Variants in PPARGC1A observed in about 807,000 individuals in gnomAD.
The protein encoded by PPARGC1A is PPARG coactivator 1 alpha.
A neutral mutation model predicts 88.7 loss-of-function variants in PPARGC1A; 25 were observed. That is an observed-to-expected ratio of 0.28 (90% CI 0.21 to 0.39). The LOEUF (loss-of-function observed/expected upper bound fraction) is 0.39, where lower values mean the gene tolerates loss of function less well. Ranked by LOEUF, PPARGC1A falls within the 10% of genes least tolerant of loss-of-function variation. The pLI, the probability that PPARGC1A is intolerant of heterozygous loss-of-function variation, is 1.00. For missense variants in PPARGC1A, 880 were observed against 968.7 expected, an observed-to-expected ratio of 0.91 and a Z score of 1.22; for synonymous variants, 363 against 355.6, an observed-to-expected ratio of 1.02 and a Z score of -0.24.
the PPARGC1A span, among the ~76,000 whole-genome samples, chr4:24,287,665 C>CACACACACAA: frequency 6.6e-6 from 1 of 151,224 alleles, no homozygotes; most frequent in Non-Finnish European, 1.5e-5. Flanking sequence ...CACACACACA[C>CACACACACAA]AACTGCACTC....
At chr4:23,875,238 T>C (rs1284357890) in intron 2 of PPARGC1A, among the ~76,000 whole-genome samples, 2 of 152,210 alleles carry the variant, frequency 1.3e-5, no homozygotes, top group African/African-American at 4.8e-5. Context: ...ATTTGAAATA[T>C]AGAATTAGTT....
the PPARGC1A span, among the ~76,000 whole-genome samples, chr4:24,280,421 A>C: frequency 6.6e-6 from 1 of 152,194 alleles, no homozygotes; most frequent in Non-Finnish European, 1.5e-5. Context: ...TCAGAGCTGC[A>C]TCCTGAAAGC....
chr4:24,235,278 A>G, the PPARGC1A span, among the ~76,000 whole-genome samples: 1 of 152,206 alleles, frequency 6.6e-6, no homozygotes, highest in South Asian at 2.1e-4. Context: ...TGGGCCCTTA[A>G]TATAGTTTAT....
the PPARGC1A span, among the ~76,000 whole-genome samples, chr4:24,452,626 T>C: frequency 2.0e-4 from 31 of 152,370 alleles, no homozygotes; most frequent in Non-Finnish European, 4.3e-4. Flanking sequence ...CCTGGGTTGT[T>C]CATTTTACTT....
chr4:24,020,843 ACTTTT>A, the PPARGC1A span, among the ~76,000 whole-genome samples: 3 of 152,170 alleles, frequency 2.0e-5, no homozygotes, highest in Non-Finnish European at 4.4e-5. Flanking sequence ...AGTACTTTGT[ACTTTT>A]CTTCGTGAAA....
chr4:23,905,908 A>G (rs1719973205), upstream of PPARGC1A, among the ~76,000 whole-genome samples: 1 of 152,162 alleles, frequency 6.6e-6, no homozygotes, highest in Non-Finnish European at 1.5e-5. Context: ...GACATCTAGG[A>G]GTCTCTTCAC....
chr4:24,389,029 A>G, the PPARGC1A span, among the ~76,000 whole-genome samples: 1 of 152,346 alleles, frequency 6.6e-6, no homozygotes, highest in East Asian at 1.9e-4. Flanking sequence ...AGAAATAAAG[A>G]TGGCAGACAG....
the PPARGC1A span, among the ~76,000 whole-genome samples, chr4:24,430,211 C>T: frequency 6.6e-6 from 1 of 151,466 alleles, no homozygotes; most frequent in African/African-American, 2.4e-5. Context: ...CACATAACAA[C>T]ACTAGCCCTT....
chr4:23,931,022 C>T, the PPARGC1A span, among the ~76,000 whole-genome samples: 2 of 152,154 alleles, frequency 1.3e-5, no homozygotes, highest in African/African-American at 4.8e-5. Context: ...GTGGCATTTT[C>T]CGTTGCTAGG....
chr4:24,217,806 A>G, the PPARGC1A span, among the ~76,000 whole-genome samples: 56 of 152,096 alleles, frequency 3.7e-4, no homozygotes, highest in Non-Finnish European at 8.8e-5. Flanking sequence ...CCATCATGAA[A>G]AAATAATAAT....
chr4:23,827,702 G>A (rs1248297530), intron 5 of PPARGC1A, among the ~76,000 whole-genome samples: 1 of 152,142 alleles, frequency 6.6e-6, no homozygotes, highest in Admixed American at 6.6e-5. Context: ...CAACCCAGAT[G>A]TTTAGTTTAA....
chr4:24,230,718 G>A, the PPARGC1A span, among the ~76,000 whole-genome samples: 2 of 152,170 alleles, frequency 1.3e-5, no homozygotes, highest in African/African-American at 4.8e-5. Flanking sequence ...GAAAGATCTA[G>A]AAGTGGAAGA....
upstream of PPARGC1A, among the ~76,000 whole-genome samples, chr4:23,906,585 A>G (rs1216278441): frequency 3.0e-5 from 4 of 131,344 alleles, no homozygotes; most frequent in Non-Finnish European, 6.2e-5. Context: ...CAGCCTGGGT[A>G]TTGAAGTGAG....
intron 3 of PPARGC1A, among the ~76,000 whole-genome samples, chr4:23,830,720 G>A (rs961635955): frequency 3.9e-5 from 6 of 152,114 alleles, no homozygotes; most frequent in Non-Finnish European, 5.9e-5. Context: ...TACACAGCAT[G>A]TCCTTATGTC....
the PPARGC1A span, among the ~76,000 whole-genome samples, chr4:24,206,254 C>T: frequency 6.6e-6 from 1 of 152,148 alleles, no homozygotes; most frequent in Non-Finnish European, 1.5e-5. Context: ...AGTATGAGAC[C>T]TAAAACAAGT....
the PPARGC1A span, among the ~76,000 whole-genome samples, chr4:24,122,379 A>ATGCG: frequency 4.0e-5 from 5 of 123,594 alleles, no homozygotes; most frequent in South Asian, 1.6e-3. Context: ...ATGTGTGTGT[A>ATGCG]TGCGTATGTG....
At chr4:24,089,480 T>TTTTTCTTTTCTTTTCTTTTC in the PPARGC1A span, among the ~76,000 whole-genome samples, 9 of 128,734 alleles carry the variant, frequency 7.0e-5, no homozygotes, top group Non-Finnish European at 1.2e-4. Context: ...CTAGGATGCC[T>TTTTTCTTTTCTTTTCTTTTC]TTTTCTTTTC....
the PPARGC1A span, among the ~76,000 whole-genome samples, chr4:24,121,900 AC>A: frequency 1.3e-5 from 2 of 152,098 alleles, no homozygotes; most frequent in South Asian, 4.2e-4. Flanking sequence ...TAGCATCTTA[AC>A]CCTGAACTCG....
chr4:24,436,775 AGCCCGGGTC>A, the PPARGC1A span, among the ~76,000 whole-genome samples: 9 of 138,954 alleles, frequency 6.5e-5, no homozygotes, highest in African/African-American at 2.3e-4. Context: ...GCCACCCCAG[AGCCCGGGTC>A]ACAGAGCTGA....
Sources: allele counts gnomAD v4.1 joint callset (sites outside exome capture counted in the v4.1 genomes callset), GRCh38; gene constraint gnomAD v4.1.1; transcripts MANE v1.5; gene names NCBI Gene and HGNC (gene_info 2026-07-23, HGNC 2026-07-21).